ATP23: variants seen among roughly 807,000 people sequenced by gnomAD.
The protein encoded by ATP23 is mitochondrial inner membrane protease ATP23 homolog.
A neutral mutation model predicts 28.5 loss-of-function variants in ATP23; 24 were observed. The observed-to-expected ratio is 0.84, with a 90% confidence interval of 0.61 to 1.18. The LOEUF (loss-of-function observed/expected upper bound fraction) is 1.18. Ranked by LOEUF, ATP23 falls within the 50% of genes most tolerant of loss-of-function variation. The probability of loss-of-function intolerance (pLI) is 0.00; values close to 1 mark genes in which losing one functional copy is unlikely to be tolerated. For missense variants in ATP23, 274 were observed against 306.4 expected, an observed-to-expected ratio of 0.89 and a Z score of 0.79; for synonymous variants, 99 against 108.6, an observed-to-expected ratio of 0.91 and a Z score of 0.55.
At chr12:57,953,994 A>G (rs1167863026) in intron 5 of ATP23, among the ~76,000 whole-genome samples, 3 of 152,072 alleles carry the variant, frequency 2.0e-5, no homozygotes, top group Non-Finnish European at 4.4e-5. Context: ...GGAGATCGAG[A>G]CCAGCGTGGC....
At chr12:57,950,304 C>T (rs950295520) in intron 3 of ATP23, among the ~76,000 whole-genome samples, 4 of 152,132 alleles carry the variant, frequency 2.6e-5, no homozygotes, top group African/African-American at 7.2e-5. Context: ...CCACCCCCAC[C>T]GCTGTGCTTC....
chr12:57,946,935 C>T (rs1385770190), intron 2 of ATP23, 60 bp from the exon 3 acceptor site: 3 of 1,516,742 alleles, frequency 2.0e-6, no homozygotes, highest in African/African-American at 1.4e-5. Flanking sequence ...AGCCCTGGCC[C>T]AGGGCTGTTT....
intron 3 of ATP23, among the ~76,000 whole-genome samples, chr12:57,947,646 G>T (rs1431096706): frequency 1.3e-5 from 2 of 152,132 alleles, no homozygotes; most frequent in Non-Finnish European, 2.9e-5. Flanking sequence ...TTTATTAGGG[G>T]AGTTTTCTAA....
Position 57,946,951 on chromosome 12 carries a change from A to G in ATP23, c.234-44A>G, listed in dbSNP as rs1369572787. ...GCCCTGGCCCAGGGCTGTTTGCCAC[A>G]TACACACTGTTTCTGGACATTGTCT... On this transcript the variant is annotated intron_variant, in intron 2 of 5. Coordinates refer to ENST00000300145, the MANE Select transcript of ATP23 (RefSeq NM_033276.4). The G allele has an allele frequency of 6.3e-6, 10 of 1,598,532 alleles. No individual in the cohort carries two copies. In the Admixed American group the frequency reaches 1.3e-4, roughly 21 times the overall value.
In ATP23 at chr12:57,953,647, T is replaced by C; in HGVS notation, c.495T>C (p.Asn165=). 6.2e-7 allele frequency: 1 copy of C among 1,614,166 alleles called. No homozygotes were observed. Among genetic ancestry groups the C allele is most frequent in the Non-Finnish European group, 8.5e-7 (1 of 1,180,018 alleles). Residue 165 remains asparagine (N), a synonymous_variant, in exon 5 of 6, where the codon AAT becomes AAC. Transcript: ENST00000300145. ...TTAGTGGAGACTGCTCACTTGTCAA[T>C]GAAATATTCAGGTTACATTTTGGAT... is the stretch of plus-strand genomic sequence containing the variant. ...ANLSGDCSLV[N]EIFRLHFGLK...
At chr12:57,951,680 G>T (rs1365569050) in intron 3 of ATP23, 78 bp from the exon 4 acceptor site, 1 of 1,531,544 alleles carries the variant, frequency 6.5e-7, no homozygotes, top group African/African-American at 1.4e-5. Flanking sequence ...GAGAGGTGAG[G>T]TCATGTGGGA....
rs1565876673 is a variant in ATP23 at position 57,951,988 on chromosome 12, A to G, written c.453+93A>G. The G allele has an allele frequency of 6.0e-6, 9 of 1,498,334 alleles. No homozygotes were observed. The East Asian group carries it at 1.6e-4, about 26-fold the overall frequency. 92.8% of individuals were successfully genotyped at this position (1,498,334 alleles called of 1,614,324 possible). ...TAAATGTATTCCTTTTCTTACTGTCATAGTTCTACCTTAGTCTTGAATTTC... is the reference window on the plus strand; with the variant it reads ...TAAATGTATTCCTTTTCTTACTGTCGTAGTTCTACCTTAGTCTTGAATTTC... On this transcript the variant is annotated intron_variant, in intron 4 of 5. Coordinates refer to ENST00000300145, the MANE Select transcript of ATP23 (RefSeq NM_033276.4).
rs755832369 is a variant in ATP23 at position 57,942,803 on chromosome 12, TTA to T, written c.187+916_187+917del. On this transcript the variant is annotated intron_variant, in intron 1 of 5. Coordinates refer to ENST00000300145, the MANE Select transcript of ATP23 (RefSeq NM_033276.4). ...AAAGAGGCCAACGACCCCACAAAGG[TTA>T]AGAACTGCTGTGGGTTAAACAGGGA... is the stretch of plus-strand genomic sequence containing the variant. Among the ~76,000 whole-genome samples, 85 of 152,086 alleles carry T rather than the reference TTA, an allele frequency of 5.6e-4. 1 individual carries two copies. The highest frequency in any genetic ancestry group is 6.8e-3 in the Middle Eastern group (2 of 294).
chr12:57,951,511 A>G (rs1050515004), intron 3 of ATP23, among the ~76,000 whole-genome samples: 1 of 152,194 alleles, frequency 6.6e-6, no homozygotes, highest in African/African-American at 2.4e-5. Context: ...TCCTTAATCT[A>G]AGTACTGCTG....
intron 5 of ATP23, among the ~76,000 whole-genome samples, chr12:57,956,430 C>T (rs1429506175): frequency 6.6e-6 from 1 of 150,428 alleles, no homozygotes; most frequent in Non-Finnish European, 1.5e-5. Flanking sequence ...CTGAGAATGA[C>T]ATCTGCTTAT....
chr12:57,950,224 T>C (rs537673257), intron 3 of ATP23, among the ~76,000 whole-genome samples: 1 of 152,322 alleles, frequency 6.6e-6, no homozygotes, highest in South Asian at 2.1e-4. Context: ...AGCTTCCCAT[T>C]GCTCTTAGGG....
intron 3 of ATP23, among the ~76,000 whole-genome samples, chr12:57,950,717 T>C (rs997329106): frequency 2.0e-5 from 3 of 151,768 alleles, no homozygotes; most frequent in Admixed American, 2.0e-4. Flanking sequence ...TTTATAGAGA[T>C]GGGGTTTTGC....
At chr12:57,947,700 T>A (rs1454359699) in intron 3 of ATP23, among the ~76,000 whole-genome samples, 2 of 152,226 alleles carry the variant, frequency 1.3e-5, no homozygotes, top group Non-Finnish European at 2.9e-5. Flanking sequence ...TATGGAATGA[T>A]TATGAGAATT....
intron 5 of ATP23, among the ~76,000 whole-genome samples, chr12:57,954,350 A>G (rs1956845441): frequency 6.6e-6 from 1 of 152,214 alleles, no homozygotes; most frequent in South Asian, 2.1e-4. Context: ...TTCTGGAGAC[A>G]AAAGATGTAA....
In ATP23 at chr12:57,941,887, A is replaced by C; in HGVS notation, c.186A>C (p.Thr62=). The C allele has an allele frequency of 6.2e-7, 1 of 1,612,936 alleles. No homozygotes were observed. Among genetic ancestry groups the C allele is most frequent in the Non-Finnish European group, 8.5e-7 (1 of 1,179,560 alleles). The stretch of plus-strand genomic sequence containing the variant: ...TTAGGCTCCTGAAGACGCTGGAGAC[A>C]AGTAGGAGCCATGACCTGGAGGCTG... The part of the protein sequence containing the change: ...CQLRLLKTLE[T]NPYVKLLLDA... Residue 62 remains threonine, a splice_region_variant and synonymous_variant, in exon 1 of 6, where the codon ACA becomes ACC. Transcript: ENST00000300145.
chr12:57,949,286 A>G (rs73348217), intron 3 of ATP23, among the ~76,000 whole-genome samples: 1,569 of 152,146 alleles, frequency 0.01, 16 homozygotes, highest in African/African-American at 0.036. Flanking sequence ...CTCCTTTGCT[A>G]GCTTACCTTC....
chr12:57,958,038 G>T lies in ATP23; in HGVS notation c.*1148G>T, dbSNP rs1475627009. On this transcript the variant is annotated 3_prime_UTR_variant, in exon 6 of 6. Transcript: ENST00000300145. ...ACCTGGAAGCAGACTTGGGGCTGTG[G>T]TGGGGGGCATGGTGGGAGTGAGACT... Among the ~76,000 whole-genome samples the T allele has an allele frequency of 2.0e-5, 3 of 152,184 alleles. No homozygotes were observed. The East Asian group carries it at 5.8e-4, about 29-fold the overall frequency.
chr12:57,947,048 G>C lies in ATP23; in HGVS notation c.287G>C (p.Ser96Thr), dbSNP rs757121790. The C allele has an allele frequency of 6.2e-7, 1 of 1,614,120 alleles. No individual in the cohort carries two copies. The highest frequency in any genetic ancestry group is 1.7e-5 in the Admixed American group (1 of 60,016). Residue 96 changes from serine to threonine, a missense_variant, in exon 3 of 6, where the codon AGT becomes ACT. Transcript: ENST00000300145. ...TGCGAAGACTGTAATGGAAATGTCA[G>C]TGGAGGTTTTGATGCTTCAACATCT... ...FSCEDCNGNVSGGFDASTSQI... is the reference protein window; with the variant it reads ...FSCEDCNGNVTGGFDASTSQI...
At chr12:57,948,498 GTCT>G (rs1956783567) in intron 3 of ATP23, among the ~76,000 whole-genome samples, 1 of 152,094 alleles carries the variant, frequency 6.6e-6, no homozygotes. Flanking sequence ...GGCCAGGCTG[GTCT>G]TGAACCCCTG....
Sources: gnomAD v4.1 joint callset for allele counts (sites outside exome capture counted in the v4.1 genomes callset) on GRCh38, gnomAD v4.1.1 for gene constraint, MANE v1.5 for transcripts, NCBI Gene and HGNC (gene_info 2026-07-23, HGNC 2026-07-21) for gene names.